Variants in SEMA5B observed in about 807,000 individuals in gnomAD.
SEMA5B encodes the protein semaphorin 5B, also known as semaphorin-5B.
SEMA5B carries 66 observed loss-of-function variants against 135.0 expected under a neutral mutation model. That is an observed-to-expected ratio of 0.49 (90% confidence interval 0.40 to 0.60). The LOEUF (loss-of-function observed/expected upper bound fraction) is 0.60, where lower values mean the gene tolerates loss of function less well. SEMA5B is among the 20% of genes least tolerant of loss of function. SEMA5B has a pLI of 0.00. For synonymous variants in SEMA5B, 690 were observed against 639.5 expected, an observed-to-expected ratio of 1.08 and a Z score of -1.19; for missense variants, 1,501 against 1,566.3, an observed-to-expected ratio of 0.96 and a Z score of 0.70.
intron 1 of SEMA5B, among the ~76,000 whole-genome samples, chr3:122,971,114 G>C (rs1211480240): frequency 2.0e-5 from 3 of 152,244 alleles, no homozygotes; most frequent in Non-Finnish European, 4.4e-5. Context: ...GGGCAGCATA[G>C]TGCCCTGGAA....
At chr3:122,971,750 C>T (rs1157332362) in intron 1 of SEMA5B, among the ~76,000 whole-genome samples, 6 of 152,182 alleles carry the variant, frequency 3.9e-5, no homozygotes, top group Non-Finnish European at 8.8e-5. Context: ...AAGGCAGGTG[C>T]GGCACGGTGA....
intron 1 of SEMA5B, among the ~76,000 whole-genome samples, chr3:122,980,267 C>A (rs1167961058): frequency 6.6e-6 from 1 of 152,040 alleles, no homozygotes; most frequent in East Asian, 1.9e-4. Context: ...TCGCGACCAG[C>A]CTGATCAACA....
rs772576281 is a variant in SEMA5B, at chr3:122,915,425, C to T, written c.1988+15G>A. On this transcript the variant is annotated intron_variant, in intron 14 of 22. Transcript: ENST00000357599. ...GGTCCAAGGCAGACACCATGTAAACCCTGTCCTCACATACCTGGAGCAGTT... is the reference window on the plus strand; with the variant it reads ...GGTCCAAGGCAGACACCATGTAAACTCTGTCCTCACATACCTGGAGCAGTT... 2 of 1,598,192 alleles carry T rather than the reference C, an allele frequency of 1.3e-6. No individual in the cohort carries two copies. Among genetic ancestry groups the T allele is most frequent in the Admixed American group, 1.7e-5 (1 of 58,892 alleles).
intron 1 of SEMA5B, among the ~76,000 whole-genome samples, chr3:123,004,311 G>C (rs147029955): frequency 6.6e-6 from 1 of 152,192 alleles, no homozygotes; most frequent in Admixed American, 6.5e-5. Context: ...AGGGACATCC[G>C]TCAGCAAGAG....
intron 1 of SEMA5B, among the ~76,000 whole-genome samples, chr3:122,997,113 A>G (rs971624700): frequency 6.6e-6 from 1 of 152,128 alleles, no homozygotes; most frequent in African/African-American, 2.4e-5. Flanking sequence ...TTTGTGTGGC[A>G]CTATGGTTTG....
chr3:122,927,725 C>T, intron 8 of SEMA5B, 65 bp downstream of exon 8: 25 of 1,208,894 alleles, frequency 2.1e-5, no homozygotes, highest in Non-Finnish European at 2.7e-5. Context: ...GAATGGGGGG[C>T]TCAGGGTGGG....
At chr3:122,938,910 T>C (rs1036305665) in intron 5 of SEMA5B, among the ~76,000 whole-genome samples, 4 of 152,198 alleles carry the variant, frequency 2.6e-5, no homozygotes, top group African/African-American at 9.7e-5. Flanking sequence ...TGGCAGCAGA[T>C]AATAAATCAA....
chr3:122,964,111 C>T (rs1940712557), intron 1 of SEMA5B, among the ~76,000 whole-genome samples: 1 of 152,172 alleles, frequency 6.6e-6, no homozygotes, highest in Middle Eastern at 3.2e-3. Flanking sequence ...ATAAATTTGC[C>T]ATTTTTCTCC....
rs1398810719 is a variant in SEMA5B, at chr3:122,913,242, C to T, written c.2463G>A (p.Thr821=). 2 of 1,585,894 alleles carry T rather than the reference C, an allele frequency of 1.3e-6. No homozygotes were observed. Among genetic ancestry groups the T allele is most frequent in the Non-Finnish European group, 8.5e-7 (1 of 1,174,764 alleles). Residue 821 remains threonine (T), a synonymous_variant, in exon 17 of 23, where the codon ACG becomes ACA. Coordinates refer to ENST00000357599, the MANE Select transcript of SEMA5B (RefSeq NM_001031702.4). ...CGGAGCCGTCCGCGGGACAGGTCCTCGTCTCGGTCCTTCTCCTGCCGAACT... is the reference window on the plus strand; with the variant it reads ...CGGAGCCGTCCGCGGGACAGGTCCTTGTCTCGGTCCTTCTCCTGCCGAACT... ...GLQFGRRRTE[T]RTCPADGSGS... is the part of the protein sequence containing the mutation.
intron 1 of SEMA5B, among the ~76,000 whole-genome samples, chr3:123,021,669 C>G (rs1211624965): frequency 6.6e-6 from 1 of 152,190 alleles, no homozygotes; most frequent in Non-Finnish European, 1.5e-5. Context: ...ACCCTGCAAG[C>G]CATTTCCCTA....
intron 1 of SEMA5B, among the ~76,000 whole-genome samples, chr3:122,977,373 C>T (rs1417898389): frequency 6.6e-6 from 1 of 152,218 alleles, no homozygotes. Flanking sequence ...AGCATAAGTG[C>T]ATCCCAAATA....
chr3:122,992,660 T>A (rs1433507494), intron 1 of SEMA5B: 4 of 152,228 alleles, frequency 2.6e-5, no homozygotes, highest in Admixed American at 6.5e-5. Context: ...CCCCATCCAG[T>A]TGGCATGAGG....
At chr3:122,964,585 G>T (rs1435507443) in intron 1 of SEMA5B, among the ~76,000 whole-genome samples, 1 of 152,152 alleles carries the variant, frequency 6.6e-6, no homozygotes, top group East Asian at 1.9e-4. Flanking sequence ...TCTGGGCTTT[G>T]GTCTCTCTCT....
chr3:122,932,366 A>C (rs1288280547), intron 5 of SEMA5B, among the ~76,000 whole-genome samples: 1 of 147,698 alleles, frequency 6.8e-6, no homozygotes, highest in Non-Finnish European at 1.5e-5. Flanking sequence ...TCCAAACTGC[A>C]CCATTTTAAG....
intron 9 of SEMA5B, among the ~76,000 whole-genome samples, chr3:122,925,114 T>C (rs1339140222): frequency 3.3e-5 from 5 of 152,134 alleles, no homozygotes; most frequent in African/African-American, 9.7e-5. Context: ...ACACTGTCTT[T>C]CCTATAGCTA....
Position 122,961,148 on chromosome 3 carries a change from A to G in SEMA5B, c.116T>C (p.Leu39Pro). ...CCCCTGGGCACACTTACCCCTGACC[A>G]GTGAGAGAAGCCAGCCCCCTACTGT... is the stretch of plus-strand genomic sequence containing the variant. ...GWTVGGWLLS[L>P]VRGLLPCLPP... The change falls in exon 2 of 23, where the codon CTG becomes CCG. Residue 39 changes from leucine to proline, a missense_variant. Physicochemically the swap from Leu to Pro is moderately conservative, Grantham distance 98. Coordinates refer to ENST00000357599, the MANE Select transcript of SEMA5B (RefSeq NM_001031702.4). The G allele has an allele frequency of 6.2e-7, 1 of 1,611,926 alleles. No individual in the cohort carries two copies. Among genetic ancestry groups the G allele is most frequent in the Non-Finnish European group, 8.5e-7 (1 of 1,178,724 alleles).
intron 1 of SEMA5B, among the ~76,000 whole-genome samples, chr3:123,013,476 C>G (rs1391670481): frequency 6.6e-6 from 1 of 152,204 alleles, no homozygotes; most frequent in Non-Finnish European, 1.5e-5. Flanking sequence ...ATTCCCATGA[C>G]AACCTTCTGA....
chr3:122,910,675 T>C (rs1452114430), intron 22 of SEMA5B, among the ~76,000 whole-genome samples, 165 bp downstream of exon 22: 1 of 151,244 alleles, frequency 6.6e-6, no homozygotes, highest in Non-Finnish European at 1.5e-5. Flanking sequence ...CCGGGCGTAG[T>C]GGCGGGCGCC....
rs1455559268 is a variant in SEMA5B, at chr3:122,927,819, G to GTGC, written c.818_820dup (p.Arg273_Thr274insSer). 4 of 1,538,796 alleles carry GTGC rather than the reference G, an allele frequency of 2.6e-6. No individual in the cohort carries two copies. The highest frequency in any genetic ancestry group is 3.5e-6 in the Non-Finnish European group (4 of 1,140,792). On this transcript the variant is annotated inframe_insertion, in exon 8 of 23. Coordinates refer to ENST00000357599, the MANE Select transcript of SEMA5B (RefSeq NM_001031702.4). ...AAGCCACTTGGAGTTATATTGGGCA[G>GTGC]TGCGAAGCGGTGGCCCACTGCCCAG...
Sources: allele counts gnomAD v4.1 joint callset (sites outside exome capture counted in the v4.1 genomes callset), GRCh38; gene constraint gnomAD v4.1.1; transcripts MANE v1.5; gene names NCBI Gene and HGNC (gene_info 2026-07-23, HGNC 2026-07-21).